The following NEK5 variants were observed in gnomAD, a reference collection of about 807,000 sequenced individuals.
The protein encoded by NEK5 is serine/threonine-protein kinase Nek5.
NEK5 carries 88 observed loss-of-function variants against 109.2 expected under a neutral mutation model. The observed-to-expected ratio is 0.81, with a 90% confidence interval of 0.68 to 0.96. The LOEUF (loss-of-function observed/expected upper bound fraction) is 0.96, where lower values mean the gene tolerates loss of function less well. Ranked by LOEUF, NEK5 falls within the 40% of genes least tolerant of loss-of-function variation. The pLI is 0.00. For missense variants in NEK5, 834 were observed against 920.7 expected, an observed-to-expected ratio of 0.91 and a Z score of 1.22; for synonymous variants, 283 against 299.9, an observed-to-expected ratio of 0.94 and a Z score of 0.58.
chr13:52,127,620 T>A lies in NEK5; in HGVS notation c.-48A>T. On this transcript the variant is annotated 5_prime_UTR_variant, in exon 2 of 24. Coordinates refer to ENST00000684899, the MANE Select transcript of NEK5 (RefSeq NM_001365552.1). ...TTAGCTAAAACTTTCCTCCCAGCCT[T>A]GCCAAGACAGAGACAAATAACTTTC... is the stretch of plus-strand genomic sequence containing the variant. The A allele has an allele frequency of 1.6e-6, 1 of 620,854 alleles. No homozygotes were observed. Among genetic ancestry groups the A allele is most frequent in the Admixed American group, 2.8e-5 (1 of 35,168 alleles). 38.5% of individuals were successfully genotyped at this position (620,854 alleles called of 1,614,324 possible).
chr13:52,062,978 T>C (rs113454163), intron 21 of NEK5, among the ~76,000 whole-genome samples: 2,168 of 152,226 alleles, frequency 0.014, 59 homozygotes, highest in African/African-American at 0.05. Flanking sequence ...CTACTATGGC[T>C]ATTACTGTGC....
chr13:52,079,286 A>ATCCCGC (rs1555310961), intron 17 of NEK5, among the ~76,000 whole-genome samples: 6 of 127,906 alleles, frequency 4.7e-5, no homozygotes, highest in Non-Finnish European at 9.6e-5. Context: ...AAGTAATCTG[A>ATCCCGC]TCCCTCTCCC....
chr13:52,065,984 T>C (rs759344386), intron 20 of NEK5, among the ~76,000 whole-genome samples: 21 of 148,510 alleles, frequency 1.4e-4, no homozygotes, highest in African/African-American at 2.4e-4. Context: ...GTTTTCACTA[T>C]AGAAAATCTG....
At chr13:52,123,765 G>C (rs1204478697) in intron 3 of NEK5, among the ~76,000 whole-genome samples, 9 of 152,126 alleles carry the variant, frequency 5.9e-5, no homozygotes, top group African/African-American at 1.9e-4. Context: ...TCCAATAAAA[G>C]TTATGCAAGT....
chr13:52,076,669 C>CA (rs2137820737), intron 17 of NEK5, among the ~76,000 whole-genome samples: 1 of 152,302 alleles, frequency 6.6e-6, no homozygotes, highest in South Asian at 2.1e-4. Context: ...CAAGGGGTTT[C>CA]ATTCATTCCT....
intron 22 of NEK5, among the ~76,000 whole-genome samples, chr13:52,052,044 G>GGA (rs1954510079): frequency 2.0e-5 from 3 of 152,118 alleles, no homozygotes; most frequent in Non-Finnish European, 4.4e-5. Context: ...GGACTCAAAA[G>GGA]CATGCAAACT....
chr13:52,039,823 T>TATAATTTTTATAATTATAA lies in NEK5; in HGVS notation c.2229-2606_2229-2605insTTATAATTATAAAAATTAT, dbSNP rs556274018. On this transcript the variant is annotated intron_variant, in intron 23 of 23. Transcript: ENST00000684899. ...AAGTTCTAGTGAATTATAAAAATTT[T>TATAATTTTTATAATTATAA]TGCTATGGTCTGAATGTTTGTGCCC... 2.2e-4 allele frequency among the ~76,000 whole-genome samples: 34 copies of TATAATTTTTATAATTATAA among 152,280 alleles called. No individual in the cohort carries two copies. In the East Asian group the frequency reaches 6.2e-3, roughly 28 times the overall value.
rs191399260 is a variant in NEK5, at chr13:52,078,839, G to A, written c.1573-2696C>T. 3.5e-3 allele frequency among the ~76,000 whole-genome samples: 533 copies of A among 152,318 alleles called. 4 individuals carry two copies. Among genetic ancestry groups the A allele is most frequent in the Middle Eastern group, 0.01 (3 of 294 alleles). On this transcript the variant is annotated intron_variant, in intron 17 of 23. Coordinates refer to ENST00000684899, the MANE Select transcript of NEK5 (RefSeq NM_001365552.1). ...TAGATTGGGGTTGGAATCTGAGATC[G>A]TTGTATTTTAAGGAAAGTAAAGTAA...
intron 3 of NEK5, among the ~76,000 whole-genome samples, chr13:52,126,560 T>G (rs1956066921): frequency 6.6e-6 from 1 of 152,140 alleles, no homozygotes; most frequent in Non-Finnish European, 1.5e-5. Context: ...GGCAGATCAC[T>G]TGAGCTCAGG....
chr13:52,084,756 AGAGAGAGTGTGTGTGTGTGTGTGTGT>A (rs1955098473), intron 16 of NEK5, among the ~76,000 whole-genome samples: 3 of 52,258 alleles, frequency 5.7e-5, no homozygotes, highest in Admixed American at 4.0e-4. Context: ...AGAGAGAGAG[AGAGAGAGTGTGTGTGTGTGTGTGTGT>A]GTGTGTGTGT....
chr13:52,061,621 C>T (rs2137739669), intron 22 of NEK5, among the ~76,000 whole-genome samples, 198 bp downstream of exon 22: 1 of 152,250 alleles, frequency 6.6e-6, no homozygotes, highest in Middle Eastern at 3.4e-3. Context: ...AAAATTACAC[C>T]ACTCTCCTGG....
At position 52,075,830 on chromosome 13, in the gene NEK5, G is replaced by T; in HGVS notation, c.1654-4C>A. On this transcript the variant is annotated splice_polypyrimidine_tract_variant and splice_region_variant and intron_variant, in intron 18 of 23. Transcript: ENST00000684899. ...TAATTTCAAATTTTACCCCCTTCTA[G>T]GAGAAAGCAAAAAAAAAAAAAAAGT... The T allele has an allele frequency of 6.7e-7, 1 of 1,496,414 alleles. No homozygotes were observed. Among genetic ancestry groups the T allele is most frequent in the Non-Finnish European group, 9.0e-7 (1 of 1,113,752 alleles). 92.7% of individuals were successfully genotyped at this position (1,496,414 alleles called of 1,614,324 possible).
Position 52,060,010 on chromosome 13 carries a change from G to A in NEK5, c.2110+1809C>T, listed in dbSNP as rs1472159177. ...TAATAATAATTAGGTTTTCTAATGTGTTTACTTAAAAAAGGTTTTTCAAAT... is the reference window on the plus strand; with the variant it reads ...TAATAATAATTAGGTTTTCTAATGTATTTACTTAAAAAAGGTTTTTCAAAT... On this transcript the variant is annotated intron_variant, in intron 22 of 23. Coordinates refer to ENST00000684899, the MANE Select transcript of NEK5 (RefSeq NM_001365552.1). Among the ~76,000 whole-genome samples, 4 of 151,814 alleles carry A rather than the reference G, an allele frequency of 2.6e-5. No homozygotes were observed. The East Asian group carries it at 7.7e-4, about 29-fold the overall frequency.
chr13:52,101,353 T>A (rs1322178400), intron 11 of NEK5, among the ~76,000 whole-genome samples: 1 of 151,616 alleles, frequency 6.6e-6, no homozygotes, highest in Non-Finnish European at 1.5e-5. Context: ...TGAGCAGAGA[T>A]CGCGCCATTG....
intron 5 of NEK5, among the ~76,000 whole-genome samples, chr13:52,111,275 T>C (rs1349062911): frequency 6.6e-6 from 1 of 152,186 alleles, no homozygotes; most frequent in East Asian, 1.9e-4. Context: ...AATAAAGCTA[T>C]ATTCCAGACA....
intron 23 of NEK5, 64 bp downstream of exon 23, chr13:52,050,040 T>A (rs1200476927): frequency 4.1e-5 from 22 of 541,190 alleles, no homozygotes; most frequent in Non-Finnish European, 4.0e-5. Flanking sequence ...TTTGAATGTC[T>A]CAACTGCAGC....
At chr13:52,087,606 T>C in intron 14 of NEK5, 152 bp from the exon 15 acceptor site, 1 of 488,230 alleles carries the variant, frequency 2.0e-6, no homozygotes, top group South Asian at 3.5e-5. Context: ...AGAATTTTCT[T>C]AATTATAAAG....
At chr13:52,118,616 G>A (rs1955905987) in intron 4 of NEK5, among the ~76,000 whole-genome samples, 1 of 152,078 alleles carries the variant, frequency 6.6e-6, no homozygotes, top group Non-Finnish European at 1.5e-5. Context: ...ATGGAGGAAG[G>A]GACTTCCTTC....
Position 52,129,027 on chromosome 13 carries a change from A to T in NEK5, c.-91+2T>A, listed in dbSNP as rs1020536150. ...AACTAAGGGCGGCCCCTGCAAGCGT[A>T]CCTGCTCCGCCGGCTCCGCGGGGCC... On this transcript the variant is annotated splice_donor_variant, in intron 1 of 23. Transcript: ENST00000684899. LOFTEE classifies it low-confidence loss of function (5UTR_SPLICE). The T allele has an allele frequency of 6.6e-6, 1 of 152,232 alleles. No homozygotes were observed. Among genetic ancestry groups the T allele is most frequent in the Non-Finnish European group, 1.5e-5 (1 of 68,070 alleles). The allele number at this position is 152,232 out of a possible 1,614,324, so 9.4% of individuals were successfully genotyped here. A position where few individuals can be genotyped will look rare whatever the true frequency, so the allele number is the denominator to read the frequency against.
Sources: gnomAD v4.1 joint callset for allele counts (sites outside exome capture counted in the v4.1 genomes callset) on GRCh38, gnomAD v4.1.1 for gene constraint, MANE v1.5 for transcripts, NCBI Gene and HGNC (gene_info 2026-07-23, HGNC 2026-07-21) for gene names.